TTC23: variants seen among roughly 807,000 people sequenced by gnomAD.
TTC23 encodes tetratricopeptide repeat protein 23.
A neutral mutation model predicts 55.1 loss-of-function variants in TTC23; 58 were observed. The observed-to-expected ratio is 1.05, with a 90% CI of 0.85 to 1.31. TTC23 has a LOEUF of 1.31. Ranked by LOEUF, TTC23 falls within the 50% of genes most tolerant of loss-of-function variation. The pLI, the probability that TTC23 is intolerant of heterozygous loss-of-function variation, is 0.00. For synonymous variants in TTC23, 203 were observed against 199.9 expected (o/e 1.02, Z -0.13); for missense variants, 516 against 534.4 (o/e 0.97, Z 0.34).
intron 3 of TTC23, among the ~76,000 whole-genome samples, chr15:99,238,688 G>T (rs1056096312): frequency 6.6e-6 from 1 of 152,208 alleles, no homozygotes; most frequent in Admixed American, 6.5e-5. Flanking sequence ...GTACACCAGA[G>T]CCACAAGACA....
At chr15:99,163,667 G>A (rs1421731529) in intron 10 of TTC23, among the ~76,000 whole-genome samples, 1 of 152,220 alleles carries the variant, frequency 6.6e-6, no homozygotes, top group African/African-American at 2.4e-5. Flanking sequence ...ATGATAGTCA[G>A]AGGCAGGGCC....
chr15:99,185,997 A>G (rs931945155), intron 9 of TTC23, among the ~76,000 whole-genome samples: 1 of 152,238 alleles, frequency 6.6e-6, no homozygotes, highest in Non-Finnish European at 1.5e-5. Context: ...ACAGGGAAAA[A>G]TAACAAAACC....
chr15:99,168,044 A>G lies in TTC23; in HGVS notation c.866-6177T>C, dbSNP rs142569128. Reference sequence around the variant, plus strand: ...GAGGCCACACGGGAAGCCTGAGAACACATAAAGCCCGGAAGAGACTCCTTC... The same window carrying G: ...GAGGCCACACGGGAAGCCTGAGAACGCATAAAGCCCGGAAGAGACTCCTTC... On this transcript the variant is annotated intron_variant, in intron 10 of 13. Coordinates refer to ENST00000394132, the MANE Select transcript of TTC23 (RefSeq NM_001288615.3). 1.1e-4 allele frequency among the ~76,000 whole-genome samples: 17 copies of G among 152,302 alleles called. No homozygotes were observed. The East Asian group carries it at 3.3e-3, about 29-fold the overall frequency.
At chr15:99,172,885 A>C (rs1054545671) in intron 10 of TTC23, among the ~76,000 whole-genome samples, 1 of 152,194 alleles carries the variant, frequency 6.6e-6, no homozygotes, top group African/African-American at 2.4e-5. Context: ...AAAACTTTTT[A>C]AAAATATATA....
chr15:99,242,960 T>C (rs2079935177), intron 2 of TTC23, among the ~76,000 whole-genome samples: 1 of 152,018 alleles, frequency 6.6e-6, no homozygotes, highest in Non-Finnish European at 1.5e-5. Flanking sequence ...TTAAGAAAGA[T>C]CTCAAAAGTA....
intron 9 of TTC23, among the ~76,000 whole-genome samples, chr15:99,181,444 G>A (rs554954806): frequency 3.3e-5 from 5 of 152,246 alleles, no homozygotes; most frequent in African/African-American, 9.6e-5. Context: ...TTATGGTGTC[G>A]TCGACCGAGA....
intron 9 of TTC23, among the ~76,000 whole-genome samples, chr15:99,182,209 G>C (rs1171734978): frequency 6.8e-6 from 1 of 147,728 alleles, no homozygotes; most frequent in Non-Finnish European, 1.5e-5. Context: ...TCAGTTTCCT[G>C]TATTGTTCCA....
rs2067735827 is a variant in TTC23 at position 99,138,068 on chromosome 15, G to A, written c.1286C>T (p.Thr429Ile). The A allele has an allele frequency of 6.2e-7, 1 of 1,613,906 alleles. No homozygotes were observed. Residue 429 changes from threonine (T) to isoleucine (I), a missense_variant, in exon 14 of 14, where the codon ACC (threonine) becomes ATC (isoleucine). Transcript: ENST00000394132. ...CAGCAGGGTGTCCTGAGGGATGCTGGTGCAGAAGGCCACTTTGGCTTTTGA... is the reference window on the plus strand; with the variant it reads ...CAGCAGGGTGTCCTGAGGGATGCTGATGCAGAAGGCCACTTTGGCTTTTGA... ...QASKAKVAFC[T>I]SIPQDTLLGK...
intron 1 of TTC23, among the ~76,000 whole-genome samples, chr15:99,246,367 G>A (rs963557151): frequency 2.0e-5 from 3 of 152,222 alleles, no homozygotes; most frequent in African/African-American, 7.2e-5. Flanking sequence ...TGTAATCCCA[G>A]CACTTTGGGA....
intron 12 of TTC23, among the ~76,000 whole-genome samples, chr15:99,141,288 A>G (rs62023642): frequency 0.077 from 11,665 of 152,292 alleles, 466 homozygotes; most frequent in South Asian, 0.087. Flanking sequence ...TCATGATTAC[A>G]AAGTCAAGGG....
intron 9 of TTC23, among the ~76,000 whole-genome samples, chr15:99,199,152 G>C (rs1340909005): frequency 6.6e-6 from 1 of 152,098 alleles, no homozygotes; most frequent in East Asian, 1.9e-4. Flanking sequence ...ATCAGTTGAA[G>C]ACCTAGAGTG....
At position 99,246,414 on chromosome 15, in the gene TTC23, G is replaced by T. The variant is rs1053312741; in HGVS notation, c.-430-904C>A. The stretch of plus-strand genomic sequence containing the variant: ...GCAAATCACGAGGTCAAGAGTTCAA[G>T]ACCAGCCTGGCCAACATGGTGAAAC... On this transcript the variant is annotated intron_variant, in intron 1 of 13. Coordinates refer to ENST00000394132, the MANE Select transcript of TTC23 (RefSeq NM_001288615.3). 2.6e-5 allele frequency among the ~76,000 whole-genome samples: 4 copies of T among 152,220 alleles called. 1 individual carries two copies. Among genetic ancestry groups the T allele is most frequent in the Admixed American group, 2.6e-4 (4 of 15,296 alleles).
chr15:99,247,083 T>C (rs535205006), intron 1 of TTC23, among the ~76,000 whole-genome samples: 1 of 152,342 alleles, frequency 6.6e-6, no homozygotes, highest in South Asian at 2.1e-4. Context: ...ATATCGTCAG[T>C]CATCAGGAAA....
chr15:99,199,769 C>A, intron 9 of TTC23, 150 bp downstream of exon 9: 1 of 681,274 alleles, frequency 1.5e-6, no homozygotes, highest in Non-Finnish European at 2.3e-6. Context: ...CTGATAAGAA[C>A]ACCTTTGTTG....
At chr15:99,199,857 C>T in intron 9 of TTC23, 62 bp downstream of exon 9, 1 of 1,490,174 alleles carries the variant, frequency 6.7e-7, no homozygotes, top group Non-Finnish European at 9.0e-7. Context: ...TGCTGTGCCA[C>T]TTGTGTCTAT....
chr15:99,169,625 G>C (rs928819480), intron 10 of TTC23, among the ~76,000 whole-genome samples: 15 of 152,164 alleles, frequency 9.9e-5, no homozygotes, highest in Admixed American at 2.6e-4. Context: ...AAGCTGAAAA[G>C]GCAGGCCACA....
At chr15:99,205,402 C>T (rs2076542429) in intron 8 of TTC23, among the ~76,000 whole-genome samples, 1 of 152,102 alleles carries the variant, frequency 6.6e-6, no homozygotes, top group Admixed American at 6.6e-5. Flanking sequence ...CACATTTCAA[C>T]AATATTGGCA....
At chr15:99,139,597 T>G (rs1555489183) in intron 12 of TTC23, 198 bp from the exon 13 acceptor site, 1 of 1,530,324 alleles carries the variant, frequency 6.5e-7, no homozygotes, top group African/African-American at 1.4e-5. Context: ...GTGAACAGTT[T>G]TAGCACTATT....
At chr15:99,178,031 A>C (rs1041860956) in intron 9 of TTC23, among the ~76,000 whole-genome samples, 1 of 152,154 alleles carries the variant, frequency 6.6e-6, no homozygotes, top group Admixed American at 6.5e-5. Context: ...AAATAAAAAA[A>C]ATTAGCCAGG....
Sources: allele counts gnomAD v4.1 joint callset (sites outside exome capture counted in the v4.1 genomes callset), GRCh38; gene constraint gnomAD v4.1.1; transcripts MANE v1.5; gene names NCBI Gene and HGNC (gene_info 2026-07-23, HGNC 2026-07-21).